Variants in SLC44A1 observed in about 807,000 individuals in gnomAD.
The protein encoded by SLC44A1 is solute carrier family 44 member 1.
A neutral mutation model predicts 79.3 loss-of-function variants in SLC44A1; 26 were observed. That is an observed-to-expected ratio of 0.33 (90% CI 0.24 to 0.46). The LOEUF is 0.46. Ranked by LOEUF, SLC44A1 falls within the 20% of genes least tolerant of loss-of-function variation. SLC44A1 has a pLI of 1.00. For missense variants in SLC44A1, 688 were observed against 798.1 expected (o/e 0.86, Z 1.66); for synonymous variants, 263 against 286.2 (o/e 0.92, Z 0.82).
intron 1 of SLC44A1, among the ~76,000 whole-genome samples, chr9:105,278,249 A>C (rs116411285): frequency 0.04 from 5,906 of 146,226 alleles, 365 homozygotes; most frequent in African/African-American, 0.14. Flanking sequence ...TTTTCTATTT[A>C]TTTATTTATT....
Position 105,351,598 on chromosome 9 carries a change from GAAAGAAAGAAAGAA to G in SLC44A1, c.500+3149_500+3162del, listed in dbSNP as rs1827428469. On this transcript the variant is annotated intron_variant, in intron 5 of 15. Coordinates refer to ENST00000374720, the MANE Select transcript of SLC44A1 (RefSeq NM_080546.5). The stretch of plus-strand genomic sequence containing the variant: ...AGAGAAAGAGAGAAAGAGAGAAAGA[GAAAGAAAGAAAGAA>G]AGAAAGAAAGAGAGAGAAAGAGAAA... 5.4e-4 allele frequency among the ~76,000 whole-genome samples: 49 copies of G among 90,706 alleles called. 1 individual carries two copies. The highest frequency in any genetic ancestry group is 1.8e-3 in the African/African-American group (38 of 21,130). 59.5% of individuals were successfully genotyped at this position (90,706 alleles called of 152,430 possible). A position where few individuals can be genotyped will look rare whatever the true frequency, so the allele number is the denominator to read the frequency against.
At chr9:105,282,694 G>T (rs10991606) in intron 1 of SLC44A1, among the ~76,000 whole-genome samples, 1 of 152,092 alleles carries the variant, frequency 6.6e-6, no homozygotes. Flanking sequence ...GATTACAGGC[G>T]TGCGCCACCA....
At chr9:105,406,467 G>A (rs1039715047) in intron 15 of SLC44A1, among the ~76,000 whole-genome samples, 2 of 152,176 alleles carry the variant, frequency 1.3e-5, no homozygotes, top group African/African-American at 2.4e-5. Flanking sequence ...CTGGCCAGAC[G>A]TGGTGGCTCA....
intron 1 of SLC44A1, among the ~76,000 whole-genome samples, chr9:105,295,965 G>A (rs1830712326): frequency 6.6e-6 from 1 of 152,164 alleles, no homozygotes. Context: ...AACAATGGCA[G>A]CTAAAATGAA....
chr9:105,323,942 A>G (rs1436914715), intron 3 of SLC44A1, among the ~76,000 whole-genome samples: 3 of 152,140 alleles, frequency 2.0e-5, no homozygotes, highest in Non-Finnish European at 2.9e-5. Flanking sequence ...TGCCCACTGC[A>G]GCCATTCTTC....
chr9:105,379,820 C>A (rs1828406616), intron 13 of SLC44A1, among the ~76,000 whole-genome samples: 1 of 152,168 alleles, frequency 6.6e-6, no homozygotes, highest in Non-Finnish European at 1.5e-5. Flanking sequence ...CCCTCAATCT[C>A]AAATTCCTTT....
At chr9:105,339,926 C>T (rs578089570) in intron 4 of SLC44A1, among the ~76,000 whole-genome samples, 1 of 152,240 alleles carries the variant, frequency 6.6e-6, no homozygotes, top group East Asian at 1.9e-4. Flanking sequence ...TATGCTACAA[C>T]TTGCATGAAA....
At position 105,396,393 on chromosome 9, in the gene SLC44A1, A is replaced by G. The variant is rs1828875154; in HGVS notation, c.*7337A>G. On this transcript the variant is annotated 3_prime_UTR_variant, in exon 16 of 16. Transcript: ENST00000374720. ...CAAGCAAAATGACAGGGGCTTCAAAAAACAACCAAAGACAAAACCCTATCT... is the reference window on the plus strand; with the variant it reads ...CAAGCAAAATGACAGGGGCTTCAAAGAACAACCAAAGACAAAACCCTATCT... The G allele has an allele frequency of 1.0e-6, 1 of 985,362 alleles. No individual in the cohort carries two copies. The highest frequency in any genetic ancestry group is 1.2e-6 in the Non-Finnish European group (1 of 829,946). 61.0% of individuals were successfully genotyped at this position (985,362 alleles called of 1,614,324 possible). A position where few individuals can be genotyped will look rare whatever the true frequency, so the allele number is the denominator to read the frequency against.
intron 12 of SLC44A1, among the ~76,000 whole-genome samples, chr9:105,371,421 AC>A (rs1228793076): frequency 6.6e-6 from 1 of 152,180 alleles, no homozygotes; most frequent in Non-Finnish European, 1.5e-5. Context: ...TGCCAGTAAA[AC>A]TTTATTTACA....
chr9:105,417,943 GGA>G (rs1491212759), intron 15 of SLC44A1, among the ~76,000 whole-genome samples: 7,485 of 151,994 alleles, frequency 0.049, 603 homozygotes, highest in African/African-American at 0.17. Context: ...CTTGAGCCCA[GGA>G]GTTTGAGGCT....
chr9:105,426,561 A>T (rs1298052177), intron 15 of SLC44A1, among the ~76,000 whole-genome samples: 1 of 152,180 alleles, frequency 6.6e-6, no homozygotes, highest in Non-Finnish European at 1.5e-5. Flanking sequence ...TATCATGCTG[A>T]GTATTTATAT....
chr9:105,385,332 G>T, intron 14 of SLC44A1, 90 bp from the exon 15 acceptor site: 1 of 892,734 alleles, frequency 1.1e-6, no homozygotes, highest in South Asian at 1.5e-5. Flanking sequence ...TACCAAGATT[G>T]AGTCAAAAAT....
intron 5 of SLC44A1, among the ~76,000 whole-genome samples, chr9:105,351,566 GAGAA>G (rs1225695962): frequency 1.1e-4 from 13 of 114,050 alleles, no homozygotes; most frequent in African/African-American, 4.3e-4. Context: ...GAGAGAAAGA[GAGAA>G]AGAGAGAAAG....
At chr9:105,274,247 C>T (rs1246249386) in intron 1 of SLC44A1, among the ~76,000 whole-genome samples, 1 of 152,160 alleles carries the variant, frequency 6.6e-6, no homozygotes, top group Non-Finnish European at 1.5e-5. Context: ...TTCTATTTTG[C>T]AATATATCTT....
chr9:105,347,142 C>G (rs76225395), intron 4 of SLC44A1, among the ~76,000 whole-genome samples: 4 of 152,028 alleles, frequency 2.6e-5, no homozygotes, highest in African/African-American at 9.7e-5. Flanking sequence ...ATGTTCCCTT[C>G]CAGTTCCTTC....
chr9:105,383,493 A>G, intron 14 of SLC44A1, 134 bp downstream of exon 14: 1 of 636,326 alleles, frequency 1.6e-6, no homozygotes, highest in Non-Finnish European at 2.7e-6. Context: ...GCACTGACTC[A>G]TAAATGAGGT....
At chr9:105,433,232 G>T (rs959400478) in intron 15 of SLC44A1, among the ~76,000 whole-genome samples, 4 of 152,104 alleles carry the variant, frequency 2.6e-5, no homozygotes, top group African/African-American at 9.7e-5. Flanking sequence ...GGAGGTGGAG[G>T]TTGCAGTGAG....
At chr9:105,355,137 A>G (rs1452636807) in intron 5 of SLC44A1, among the ~76,000 whole-genome samples, 1 of 152,260 alleles carries the variant, frequency 6.6e-6, no homozygotes, top group African/African-American at 2.4e-5. Flanking sequence ...TAATGCACAT[A>G]TAAGTGTGTA....
At chr9:105,397,640 G>A (rs1828900808), downstream of SLC44A1, among the ~76,000 whole-genome samples, 1 of 152,138 alleles carries the variant, frequency 6.6e-6, no homozygotes, top group African/African-American at 2.4e-5. Context: ...CAATCATCAG[G>A]CAGAGTAGAA....
Sources: allele counts gnomAD v4.1 joint callset (sites outside exome capture counted in the v4.1 genomes callset), GRCh38; gene constraint gnomAD v4.1.1; transcripts MANE v1.5; gene names NCBI Gene and HGNC (gene_info 2026-07-23, HGNC 2026-07-21).